FRMD6: variants seen among roughly 807,000 people sequenced by gnomAD.
The protein encoded by FRMD6 is FERM domain containing 6.
In FRMD6, 37 loss-of-function variants were observed where a neutral mutation model predicts 73.2. That is an observed-to-expected ratio of 0.51 (90% CI 0.39 to 0.66). The LOEUF (loss-of-function observed/expected upper bound fraction) is 0.66. FRMD6 is among the 30% of genes least tolerant of loss of function. FRMD6 has a pLI of 0.00. For synonymous variants in FRMD6, 273 were observed against 282.2 expected, an observed-to-expected ratio of 0.97 and a Z score of 0.33; for missense variants, 714 against 780.5, an observed-to-expected ratio of 0.91 and a Z score of 1.02.
intron 5 of FRMD6, 129 bp downstream of exon 5, chr14:51,702,717 AT>A: frequency 4.3e-6 from 3 of 698,100 alleles, no homozygotes; most frequent in South Asian, 2.2e-5. Context: ...AGGAGCAGCA[AT>A]TTTTTTCTTT....
the FRMD6 span, among the ~76,000 whole-genome samples, chr14:51,454,064 C>T: frequency 1.4e-4 from 22 of 152,144 alleles, no homozygotes; most frequent in Admixed American, 4.6e-4. Flanking sequence ...GCCGATGCCC[C>T]GCCAGCAGCC....
At chr14:51,677,780 G>C (rs1894499116) in intron 1 of FRMD6, among the ~76,000 whole-genome samples, 1 of 152,094 alleles carries the variant, frequency 6.6e-6, no homozygotes, top group African/African-American at 2.4e-5. Flanking sequence ...GCCCTAGGTG[G>C]CTTAGGCTAG....
At chr14:51,716,768 A>T (rs1416238208) in intron 10 of FRMD6, among the ~76,000 whole-genome samples, 1 of 152,182 alleles carries the variant, frequency 6.6e-6, no homozygotes, top group Non-Finnish European at 1.5e-5. Flanking sequence ...CCCCACGATG[A>T]CTCATCAGTG....
intron 1 of FRMD6, among the ~76,000 whole-genome samples, chr14:51,558,612 A>G (rs1231948158): frequency 6.6e-6 from 1 of 152,198 alleles, no homozygotes; most frequent in African/African-American, 2.4e-5. Context: ...ATAATATAGT[A>G]TAATTATATA....
At chr14:51,591,270 GAAAAC>G (rs556396607) in intron 2 of FRMD6, among the ~76,000 whole-genome samples, 1 of 151,094 alleles carries the variant, frequency 6.6e-6, no homozygotes, top group Non-Finnish European at 1.5e-5. Context: ...GATGCTGGCA[GAAAAC>G]AAAACAAAAC....
rs564827048 is a variant in FRMD6, at chr14:51,684,992, A to G, written c.-146-4699A>G. On this transcript the variant is annotated intron_variant, in intron 1 of 13. Transcript: ENST00000344768. ...CACAAGGAAAAACTTCTTACTGAGC[A>G]TGAGTTAGTCACAGCACCAGACCAG... is the stretch of plus-strand genomic sequence containing the variant. 2.6e-4 allele frequency among the ~76,000 whole-genome samples: 39 copies of G among 152,284 alleles called. 2 individuals are homozygous for G. In the South Asian group the frequency reaches 7.5e-3, roughly 29 times the overall value.
chr14:51,667,829 T>C (rs1893713151), intron 1 of FRMD6, among the ~76,000 whole-genome samples: 1 of 152,242 alleles, frequency 6.6e-6, no homozygotes, highest in Admixed American at 6.5e-5. Flanking sequence ...TAAAATCTTT[T>C]AAAACTCAAA....
chr14:51,585,212 C>T (rs926593707), intron 2 of FRMD6, among the ~76,000 whole-genome samples: 1 of 152,156 alleles, frequency 6.6e-6, no homozygotes, highest in African/African-American at 2.4e-5. Context: ...AGAAGCTCCT[C>T]CTGTTTCTCC....
At chr14:51,421,023 C>T in the FRMD6 span, among the ~76,000 whole-genome samples, 2 of 152,212 alleles carry the variant, frequency 1.3e-5, no homozygotes, top group Admixed American at 1.3e-4. Context: ...GTGATCCACC[C>T]CCTCAGTCTC....
At chr14:51,552,936 G>A (rs995102664) in intron 1 of FRMD6, among the ~76,000 whole-genome samples, 33 of 152,138 alleles carry the variant, frequency 2.2e-4, no homozygotes, top group Admixed American at 1.2e-3. Flanking sequence ...GCAGGAAGTC[G>A]TAAGTGGATG....
At chr14:51,429,029 A>AGGGGAGAGAGAGGGGGGGAGAGGGG in the FRMD6 span, among the ~76,000 whole-genome samples, 1 of 137,908 alleles carries the variant, frequency 7.3e-6, no homozygotes, top group Admixed American at 7.3e-5. Flanking sequence ...TGGGAGAGAG[A>AGGGGAGAGAGAGGGGGGGAGAGGGG]GGGGAGAGAA....
At chr14:51,436,925 G>T in the FRMD6 span, 1 of 1,009,620 alleles carries the variant, frequency 9.9e-7, no homozygotes, top group East Asian at 3.1e-5. Flanking sequence ...AGATGATGAT[G>T]AAGGGGAGGG....
chr14:51,518,172 A>T lies in FRMD6; in HGVS notation c.-210+28752A>T, dbSNP rs551654134. Among the ~76,000 whole-genome samples, 21 of 152,362 alleles carry T rather than the reference A, an allele frequency of 1.4e-4. No homozygotes were observed. In the South Asian group the frequency reaches 4.4e-3, roughly 32 times the overall value. Reference sequence around the variant, plus strand: ...GGAATTGGTGAAGCATTATATCAAAACTTAATCAAAACTTGAGATTTATTT... The same window carrying T: ...GGAATTGGTGAAGCATTATATCAAATCTTAATCAAAACTTGAGATTTATTT... On this transcript the variant is annotated intron_variant, in intron 1 of 14. Coordinates refer to the FRMD6 transcript ENST00000356218.
intron 2 of FRMD6, among the ~76,000 whole-genome samples, chr14:51,620,153 G>A (rs2139917365): frequency 6.6e-6 from 1 of 152,246 alleles, no homozygotes; most frequent in East Asian, 1.9e-4. Flanking sequence ...CTGTGCTCAG[G>A]TGCCATGGGA....
At chr14:51,646,137 C>T (rs142329228) in intron 2 of FRMD6, among the ~76,000 whole-genome samples, 110 of 151,476 alleles carry the variant, frequency 7.3e-4, no homozygotes, top group African/African-American at 2.5e-3. Flanking sequence ...GCTAACACAG[C>T]GAAACCCCGT....
At chr14:51,596,289 G>A (rs903313477) in intron 2 of FRMD6, among the ~76,000 whole-genome samples, 3 of 150,640 alleles carry the variant, frequency 2.0e-5, no homozygotes, top group Non-Finnish European at 4.4e-5. Context: ...ATGGGTATGT[G>A]TGAAATTCCA....
chr14:51,696,216 T>C (rs1224069566), intron 2 of FRMD6, among the ~76,000 whole-genome samples: 1 of 151,626 alleles, frequency 6.6e-6, no homozygotes, highest in Non-Finnish European at 1.5e-5. Context: ...TTAAGCTTTC[T>C]GAGTTTTATT....
At chr14:51,566,345 G>T (rs886883773) in intron 1 of FRMD6, among the ~76,000 whole-genome samples, 1 of 152,166 alleles carries the variant, frequency 6.6e-6, no homozygotes, top group Non-Finnish European at 1.5e-5. Context: ...AGAATCGATT[G>T]TCCAGAGTAA....
At chr14:51,579,202 C>T (rs1888573881) in intron 2 of FRMD6, 1 of 152,080 alleles carries the variant, frequency 6.6e-6, no homozygotes, top group Non-Finnish European at 1.5e-5. Context: ...AAGGAGACAA[C>T]CACCCAATTT....
Sources: gnomAD v4.1 joint callset for allele counts (sites outside exome capture counted in the v4.1 genomes callset) on GRCh38, gnomAD v4.1.1 for gene constraint, MANE v1.5 for transcripts, NCBI Gene and HGNC (gene_info 2026-07-23, HGNC 2026-07-21) for gene names.